The following CPE variants were observed in gnomAD, a reference collection of about 807,000 sequenced individuals.
CPE encodes carbocypeptidase E.
CPE carries 17 observed loss-of-function variants against 53.5 expected under a neutral mutation model. The observed-to-expected ratio is 0.32, with a 90% CI of 0.22 to 0.48. CPE has a LOEUF of 0.48. Ranked by LOEUF, CPE falls within the 20% of genes least tolerant of loss-of-function variation. CPE has a pLI of 0.99. For synonymous variants in CPE, 226 were observed against 228.8 expected (o/e 0.99, Z 0.11); for missense variants, 524 against 614.7 (o/e 0.85, Z 1.56).
At chr4:165,462,994 A>G (rs746378432) in intron 1 of CPE, among the ~76,000 whole-genome samples, 15 of 152,190 alleles carry the variant, frequency 9.9e-5, no homozygotes, top group South Asian at 4.2e-4. Context: ...TGATTTTGTA[A>G]ATGCAGAAAT....
chr4:165,442,719 AAGTTCT>A (rs1391821722), intron 1 of CPE, among the ~76,000 whole-genome samples: 1 of 152,230 alleles, frequency 6.6e-6, no homozygotes, highest in Non-Finnish European at 1.5e-5. Context: ...CCACTGCAGA[AAGTTCT>A]ACTGGAGAGT....
intron 1 of CPE, among the ~76,000 whole-genome samples, chr4:165,382,556 C>A (rs548242800): frequency 2.3e-4 from 35 of 152,130 alleles, no homozygotes; most frequent in Non-Finnish European, 5.0e-4. Flanking sequence ...AATCTAGATT[C>A]TTTTCCTGAA....
chr4:165,401,127 A>T (rs967033343), intron 1 of CPE, among the ~76,000 whole-genome samples: 3 of 151,890 alleles, frequency 2.0e-5, no homozygotes, highest in Non-Finnish European at 2.9e-5. Flanking sequence ...TTTGTACTGG[A>T]TAACTCTTCT....
intron 1 of CPE, among the ~76,000 whole-genome samples, chr4:165,413,043 T>C (rs753587057): frequency 2.0e-5 from 3 of 152,212 alleles, no homozygotes; most frequent in Non-Finnish European, 4.4e-5. Flanking sequence ...AGTGTCACAC[T>C]TGCACTCTCT....
chr4:165,468,998 A>C (rs567539320), intron 3 of CPE, among the ~76,000 whole-genome samples: 1 of 152,322 alleles, frequency 6.6e-6, no homozygotes, highest in South Asian at 2.1e-4. Flanking sequence ...CTTCATCTGT[A>C]ATATGGAAGT....
chr4:165,423,659 A>G (rs1346780747), intron 1 of CPE, among the ~76,000 whole-genome samples: 3 of 151,774 alleles, frequency 2.0e-5, no homozygotes. Flanking sequence ...TTTTATTATT[A>G]TACTTTAAGT....
At chr4:165,443,567 C>G (rs765032307) in intron 1 of CPE, among the ~76,000 whole-genome samples, 1 of 152,178 alleles carries the variant, frequency 6.6e-6, no homozygotes, top group Non-Finnish European at 1.5e-5. Flanking sequence ...TCACTGTATC[C>G]TCACATGGCC....
intron 1 of CPE, among the ~76,000 whole-genome samples, chr4:165,394,874 T>C (rs1730739196): frequency 6.6e-6 from 1 of 152,194 alleles, no homozygotes; most frequent in Non-Finnish European, 1.5e-5. Flanking sequence ...ATAAGAATCA[T>C]TGATAATATA....
intron 1 of CPE, among the ~76,000 whole-genome samples, chr4:165,416,697 C>T (rs979212168): frequency 4.4e-4 from 67 of 151,872 alleles, no homozygotes; most frequent in African/African-American, 1.5e-3. Context: ...CTTCTTGATT[C>T]CCCCGGCCTG....
At chr4:165,469,727 C>G (rs1402079060) in intron 3 of CPE, among the ~76,000 whole-genome samples, 1 of 152,140 alleles carries the variant, frequency 6.6e-6, no homozygotes, top group East Asian at 1.9e-4. Context: ...AATTTGATCA[C>G]TTGATTGTAA....
At chr4:165,449,618 G>A (rs928917642) in intron 1 of CPE, among the ~76,000 whole-genome samples, 1 of 152,120 alleles carries the variant, frequency 6.6e-6, no homozygotes, top group African/African-American at 2.4e-5. Context: ...TGAGATATGC[G>A]ATGAATATAT....
At position 165,450,996 on chromosome 4, in the gene CPE, G is replaced by T. The variant is rs569349088; in HGVS notation, c.308-13394G>T. Among the ~76,000 whole-genome samples the T allele has an allele frequency of 2.6e-5, 4 of 152,312 alleles. No homozygotes were observed. The East Asian group carries it at 7.7e-4, about 29-fold the overall frequency. On this transcript the variant is annotated intron_variant, in intron 1 of 8. Coordinates refer to ENST00000402744, the MANE Select transcript of CPE (RefSeq NM_001873.4). ...TCCAAATGGCCTTTCTCCACTCAAAGAGTGGTTCTTAGGCCTGCAGGATAG... is the reference window on the plus strand; with the variant it reads ...TCCAAATGGCCTTTCTCCACTCAAATAGTGGTTCTTAGGCCTGCAGGATAG...
At chr4:165,425,433 T>C (rs1167935993) in intron 1 of CPE, among the ~76,000 whole-genome samples, 1 of 152,224 alleles carries the variant, frequency 6.6e-6, no homozygotes, top group Admixed American at 6.5e-5. Context: ...CAAGCAATAT[T>C]TTGGACCAAT....
At chr4:165,451,555 G>T (rs1007589746) in intron 1 of CPE, among the ~76,000 whole-genome samples, 1 of 151,920 alleles carries the variant, frequency 6.6e-6, no homozygotes, top group African/African-American at 2.4e-5. Flanking sequence ...GCAGTGGTGC[G>T]ATCTCTGTTC....
chr4:165,466,256 C>G (rs1732102004), intron 2 of CPE, among the ~76,000 whole-genome samples: 1 of 152,126 alleles, frequency 6.6e-6, no homozygotes, highest in Non-Finnish European at 1.5e-5. Context: ...ACACTAGTAA[C>G]TATTTGTGTA....
Position 165,379,631 on chromosome 4 carries a change from G to T in CPE, c.307+103G>T. 1 of 1,084,660 alleles carries T rather than the reference G, an allele frequency of 9.2e-7. No individual in the cohort carries two copies. 67.2% of individuals were successfully genotyped at this position (1,084,660 alleles called of 1,614,324 possible). On this transcript the variant is annotated intron_variant, in intron 1 of 8. Coordinates refer to ENST00000402744, the MANE Select transcript of CPE (RefSeq NM_001873.4). The surrounding 1 kb of genome is among the most constrained non-coding windows in gnomAD (Gnocchi z 6.0). ...GAAGGAGGGAGGGATGGGCCCAGGGGTGCCTCTTGGTAAAAGGTATCTAAG... is the reference window on the plus strand; with the variant it reads ...GAAGGAGGGAGGGATGGGCCCAGGGTTGCCTCTTGGTAAAAGGTATCTAAG...
intron 1 of CPE, among the ~76,000 whole-genome samples, chr4:165,423,237 C>G (rs1183920970): frequency 2.0e-5 from 3 of 152,116 alleles, no homozygotes; most frequent in African/African-American, 7.2e-5. Flanking sequence ...ATCTTAGTAG[C>G]TATCGTTTTT....
At chr4:165,426,024 C>G (rs926660625) in intron 1 of CPE, among the ~76,000 whole-genome samples, 1 of 152,108 alleles carries the variant, frequency 6.6e-6, no homozygotes. Flanking sequence ...CTGTATTGCT[C>G]TCTCTGTTTT....
intron 1 of CPE, among the ~76,000 whole-genome samples, chr4:165,412,014 T>A (rs1432422200): frequency 6.6e-6 from 1 of 152,198 alleles, no homozygotes; most frequent in Non-Finnish European, 1.5e-5. Context: ...TATTTTGGTC[T>A]TTCAAATGTG....
Sources: gnomAD v4.1 joint callset for allele counts (sites outside exome capture counted in the v4.1 genomes callset) on GRCh38, gnomAD v4.1.1 for gene constraint, Gnocchi (gnomAD v3.1) non-coding constraint, MANE v1.5 for transcripts, NCBI Gene and HGNC (gene_info 2026-07-23, HGNC 2026-07-21) for gene names.